Variants in BTBD9 observed in about 807,000 individuals in gnomAD.
BTBD9 encodes BTB domain containing 9.
Under a neutral mutation model 64.3 loss-of-function variants are expected in BTBD9, and 49 were observed. The ratio of observed to expected loss-of-function variants is 0.76; its 90% CI spans 0.61 to 0.97. The LOEUF is 0.97. Among genes scored for constraint, BTBD9 ranks in the 50% least tolerant of loss-of-function variants. The pLI is 0.00. For synonymous variants in BTBD9, 260 were observed against 274.7 expected, an observed-to-expected ratio of 0.95 and a Z score of 0.53; for missense variants, 598 against 762.1, an observed-to-expected ratio of 0.78 and a Z score of 2.53.
chr6:38,184,365 A>G lies in BTBD9; in HGVS notation c.1641+8154T>C, dbSNP rs1335910112. Among the ~76,000 whole-genome samples, 2 of 152,128 alleles carry G rather than the reference A, an allele frequency of 1.3e-5. No homozygotes were observed. Among genetic ancestry groups the G allele is most frequent in the East Asian group, 3.9e-4 (2 of 5,194 alleles). On this transcript the variant is annotated intron_variant, in intron 10 of 10. Coordinates refer to ENST00000481247, the MANE Select transcript of BTBD9 (RefSeq NM_001099272.2). The surrounding 1 kb of genome is among the most constrained non-coding windows in gnomAD (Gnocchi z 4.4). ...CCTCCGTGCTGCCATCTGAAACCTA[A>G]GTTTGTTTCCATTATTTCTATTCCC...
chr6:38,616,286 TCAG>T, intron 1 of BTBD9, among the ~76,000 whole-genome samples: 1 of 152,204 alleles, frequency 6.6e-6, no homozygotes. Context: ...CACTTTGATT[TCAG>T]CATAGTAAGA....
chr6:38,544,386 G>C (rs887641864), intron 6 of BTBD9, among the ~76,000 whole-genome samples: 26 of 152,054 alleles, frequency 1.7e-4, no homozygotes, highest in African/African-American at 6.3e-4. Context: ...AGGGGCAAGA[G>C]AGAGTGCTGT....
chr6:38,528,774 A>G (rs1773636239), intron 6 of BTBD9, among the ~76,000 whole-genome samples: 2 of 152,222 alleles, frequency 1.3e-5, no homozygotes, highest in South Asian at 4.1e-4. Context: ...TAACAGGAAT[A>G]GCCAGGCAGG....
At chr6:38,598,186 C>CATA in intron 1 of BTBD9, 65 bp from the exon 2 acceptor site, 1 of 1,246,502 alleles carries the variant, frequency 8.0e-7, no homozygotes, top group African/African-American at 1.5e-5. Flanking sequence ...AATCACTTAC[C>CATA]ATAAACACAG....
At chr6:38,449,338 C>T (rs563120286) in intron 6 of BTBD9, among the ~76,000 whole-genome samples, 1 of 152,294 alleles carries the variant, frequency 6.6e-6, no homozygotes, top group East Asian at 1.9e-4. Flanking sequence ...AAGAACAAAG[C>T]TGGAGGCATC....
intron 6 of BTBD9, among the ~76,000 whole-genome samples, chr6:38,540,145 C>T (rs192151009): frequency 3.3e-5 from 5 of 152,276 alleles, no homozygotes; most frequent in East Asian, 1.9e-4. Flanking sequence ...GGGGCACAGG[C>T]GCCAAAAAGG....
intron 6 of BTBD9, among the ~76,000 whole-genome samples, chr6:38,451,357 C>G (rs1769536036): frequency 1.3e-5 from 2 of 152,176 alleles, no homozygotes; most frequent in African/African-American, 4.8e-5. Flanking sequence ...GTGCTCATCT[C>G]TATCACTGTA....
chr6:38,292,411 C>T (rs1761997551), intron 7 of BTBD9, among the ~76,000 whole-genome samples: 1 of 152,104 alleles, frequency 6.6e-6, no homozygotes, highest in African/African-American at 2.4e-5. Flanking sequence ...CTCTTTGTAC[C>T]TCTGGTAGAA....
At chr6:38,220,617 A>ATG (rs1259483222) in intron 9 of BTBD9, among the ~76,000 whole-genome samples, 5 of 152,274 alleles carry the variant, frequency 3.3e-5, no homozygotes, top group Middle Eastern at 3.2e-3. Flanking sequence ...ATGTGATTTA[A>ATG]TGATGCCTAT....
intron 6 of BTBD9, among the ~76,000 whole-genome samples, chr6:38,511,820 A>G (rs1046009805): frequency 1.3e-5 from 2 of 152,188 alleles, no homozygotes; most frequent in African/African-American, 4.8e-5. Flanking sequence ...GATGACAGGA[A>G]GGGCGTTTCA....
intron 7 of BTBD9, among the ~76,000 whole-genome samples, chr6:38,316,789 G>A (rs886893002): frequency 1.5e-4 from 23 of 152,066 alleles, no homozygotes; most frequent in Admixed American, 1.2e-3. Context: ...AGTGAATTTT[G>A]TACCTTCAGA....
At chr6:38,347,048 G>T (rs1448151947) in intron 6 of BTBD9, among the ~76,000 whole-genome samples, 1 of 152,016 alleles carries the variant, frequency 6.6e-6, no homozygotes, top group African/African-American at 2.4e-5. Context: ...CTGACCTAAG[G>T]GATGCAATAA....
intron 6 of BTBD9, among the ~76,000 whole-genome samples, chr6:38,388,243 T>G (rs1766266569): frequency 6.6e-6 from 1 of 150,624 alleles, no homozygotes; most frequent in Non-Finnish European, 1.5e-5. Context: ...AAAAGTCTAC[T>G]TTATTACAAC....
intron 6 of BTBD9, among the ~76,000 whole-genome samples, chr6:38,460,634 G>T (rs577403132): frequency 6.6e-6 from 1 of 151,882 alleles, no homozygotes; most frequent in Non-Finnish European, 1.5e-5. Flanking sequence ...TTTTGTTTTT[G>T]TTTTTTTGAG....
chr6:38,203,491 T>C (rs1762533535), intron 9 of BTBD9, among the ~76,000 whole-genome samples: 1 of 152,146 alleles, frequency 6.6e-6, no homozygotes, highest in Non-Finnish European at 1.5e-5. Flanking sequence ...AGAGATGGAA[T>C]CAACCTAAGT....
chr6:38,374,307 G>GTATATA (rs1326025092), intron 6 of BTBD9, among the ~76,000 whole-genome samples: 7 of 59,082 alleles, frequency 1.2e-4, no homozygotes, highest in East Asian at 5.2e-4. Context: ...GTATATATAT[G>GTATATA]TATATATATA....
Position 38,598,019 on chromosome 6 carries a change from T to C in BTBD9, c.76A>G (p.Ile26Val), listed in dbSNP as rs959128808. 2 of 1,613,910 alleles carry C rather than the reference T, an allele frequency of 1.2e-6. No individual in the cohort carries two copies. Among genetic ancestry groups the C allele is most frequent in the Non-Finnish European group, 8.5e-7 (1 of 1,179,876 alleles). The part of the protein sequence containing the change: ...IDHVHILSEH[I>V]GALLIGEEYG... ...TCTTCCCCAATCAACAAGGCACCAA[T>C]ATGTTCAGACAAAATGTGCACATGA... is the stretch of plus-strand genomic sequence containing the variant. Residue 26 changes from isoleucine (I) to valine (V), a missense_variant, in exon 2 of 11, where the codon ATT becomes GTT. Ile to Val is a conservative substitution (Grantham distance 29). Coordinates refer to ENST00000481247, the MANE Select transcript of BTBD9 (RefSeq NM_001099272.2).
At chr6:38,326,908 G>C (rs987521963) in intron 7 of BTBD9, among the ~76,000 whole-genome samples, 4 of 152,188 alleles carry the variant, frequency 2.6e-5, no homozygotes, top group Non-Finnish European at 4.4e-5. Context: ...ATTTCCTGAA[G>C]ATTCCAATTC....
At chr6:38,177,363 T>C (rs1469456085) in intron 10 of BTBD9, among the ~76,000 whole-genome samples, 1 of 152,214 alleles carries the variant, frequency 6.6e-6, no homozygotes, top group Non-Finnish European at 1.5e-5. Context: ...CCCGCAAGCC[T>C]TCAGGGTGCC....
Sources: allele counts gnomAD v4.1 joint callset (sites outside exome capture counted in the v4.1 genomes callset), GRCh38; gene constraint gnomAD v4.1.1; non-coding constraint Gnocchi (gnomAD v3.1); transcripts MANE v1.5; gene names NCBI Gene and HGNC (gene_info 2026-07-23, HGNC 2026-07-21).